The following CLUAP1 variants were observed in gnomAD, a reference collection of about 807,000 sequenced individuals.
The protein encoded by CLUAP1 is clusterin-associated protein 1.
In CLUAP1, 50 loss-of-function variants were observed where a neutral mutation model predicts 55.0. The observed-to-expected ratio is 0.91, with a 90% CI of 0.72 to 1.15. CLUAP1 has a LOEUF of 1.15. Among genes scored for constraint, CLUAP1 ranks in the 50% most tolerant of loss-of-function variants. The pLI is 0.00. For missense variants in CLUAP1, 530 were observed against 507.6 expected (o/e 1.04, Z -0.42); for synonymous variants, 195 against 175.4 (o/e 1.11, Z -0.88).
intron 9 of CLUAP1, among the ~76,000 whole-genome samples, chr16:3,528,754 T>C (rs981705119): frequency 1.3e-5 from 2 of 152,244 alleles, no homozygotes; most frequent in African/African-American, 4.8e-5. Flanking sequence ...CACTTTGAGT[T>C]AATTTTTGTA....
At chr16:3,501,462 T>G (rs1312249066) in intron 1 of CLUAP1, among the ~76,000 whole-genome samples, 1 of 152,266 alleles carries the variant, frequency 6.6e-6, no homozygotes, top group Admixed American at 6.5e-5. Context: ...GACTATTTTT[T>G]GAGTTGGGTT....
chr16:3,508,338 A>T lies in CLUAP1; in HGVS notation c.269A>T (p.Asp90Val), dbSNP rs773976814. Reference protein sequence around the residue: ...KLNTKKLYQADGYAVKELLKI... With the variant: ...KLNTKKLYQAVGYAVKELLKI... ...AACACTAAGAAGCTTTATCAAGCAG[A>T]TGGGTATGCGGTAAAAGAGCTGCTG... The change falls in exon 4 of 12, where the codon GAT becomes GTT. Residue 90 changes from aspartate (D) to valine (V), a missense_variant. Transcript: ENST00000576634. 5 of 1,608,966 alleles carry T rather than the reference A, an allele frequency of 3.1e-6. No homozygotes were observed. In the South Asian group the frequency reaches 5.6e-5, roughly 18 times the overall value.
chr16:3,519,943 C>T lies in CLUAP1; in HGVS notation c.620C>T (p.Ala207Val). 6.2e-7 allele frequency: 1 copy of T among 1,613,130 alleles called. No homozygotes were observed. The highest frequency in any genetic ancestry group is 1.1e-5 in the South Asian group (1 of 90,838). The change falls in exon 7 of 12, where the codon GCC (alanine) becomes GTC (valine). Residue 207 changes from alanine (A) to valine (V), a missense_variant. Physicochemically the swap from Ala to Val is moderately conservative, Grantham distance 64. Transcript: ENST00000576634. ...QKTKDLLNNV[A>V]SDEANLEAKI... ...ACTAAAGACCTGCTCAATAATGTGG[C>T]CTCTGATGAAGCTAATTTAGAAGCC...
chr16:3,500,366 ATTTTTTTT>A (rs35022426), upstream of CLUAP1, among the ~76,000 whole-genome samples: 4 of 115,546 alleles, frequency 3.5e-5, no homozygotes, highest in Non-Finnish European at 7.1e-5. Context: ...AGTATAGTGC[ATTTTTTTT>A]TTTTTTTTTT....
chr16:3,519,051 A>G (rs1025002261), intron 6 of CLUAP1, among the ~76,000 whole-genome samples: 6 of 152,224 alleles, frequency 3.9e-5, no homozygotes, highest in African/African-American at 1.4e-4. Flanking sequence ...CAGATTCCTC[A>G]TAAAGAGATT....
chr16:3,520,022 T>C lies in CLUAP1; in HGVS notation c.699T>C (p.Thr233=), dbSNP rs766659514. The change falls in exon 7 of 12, where the codon ACT becomes ACC. Residue 233 remains threonine (T), a synonymous_variant. Coordinates refer to ENST00000576634, the MANE Select transcript of CLUAP1 (RefSeq NM_015041.3). The part of the protein sequence containing the change: ...ELERNRKRLE[T]LQSVRPCFMD... Reference sequence around the variant, plus strand: ...AAAGAAATCGGAAGCGACTAGAGACTCTGCAGAGTGTCAGGTAGATATGAA... The same window carrying C: ...AAAGAAATCGGAAGCGACTAGAGACCCTGCAGAGTGTCAGGTAGATATGAA... The C allele has an allele frequency of 1.2e-6, 2 of 1,610,910 alleles. No individual in the cohort carries two copies. Among genetic ancestry groups the C allele is most frequent in the Non-Finnish European group, 1.7e-6 (2 of 1,179,146 alleles).
upstream of CLUAP1, chr16:3,496,513 T>C (rs1686275090): frequency 1.7e-6 from 1 of 592,326 alleles, no homozygotes; most frequent in South Asian, 1.4e-5. Flanking sequence ...GTGTGTGCGC[T>C]GCCCGTGACC....
intron 9 of CLUAP1, among the ~76,000 whole-genome samples, chr16:3,529,533 G>GTTATATATTATATA (rs2038027168): frequency 2.7e-5 from 1 of 36,658 alleles, no homozygotes; most frequent in South Asian, 6.4e-4. Flanking sequence ...ATTATTATAT[G>GTTATATATTATATA]TTATATATTA....
At chr16:3,520,058 A>G (rs1294470801) in intron 7 of CLUAP1, 22 bp downstream of exon 7, 1 of 1,590,250 alleles carries the variant, frequency 6.3e-7, no homozygotes, top group Non-Finnish European at 8.5e-7. Context: ...CACTTGGAGA[A>G]TGAGTAGAAA....
intron 8 of CLUAP1, among the ~76,000 whole-genome samples, chr16:3,524,596 C>CAAAAAAA (rs755040158): frequency 1.2e-3 from 41 of 34,142 alleles, no homozygotes; most frequent in Admixed American, 1.6e-3. Flanking sequence ...GACACCATCT[C>CAAAAAAA]AAAAAAAAAA....
intron 9 of CLUAP1, among the ~76,000 whole-genome samples, chr16:3,527,962 C>T (rs1347437394): frequency 6.6e-6 from 1 of 152,188 alleles, no homozygotes; most frequent in African/African-American, 2.4e-5. Context: ...GCATTCAGGG[C>T]CACTATCAGT....
At position 3,509,153 on chromosome 16, in the gene CLUAP1, A is replaced by G. The variant is rs529887064; in HGVS notation, c.399+685A>G. The stretch of plus-strand genomic sequence containing the variant: ...TACACACCTGTGGTCCCAGCTGCCC[A>G]GGAGGCTGAGGTGGGAAGATCTCTT... On this transcript the variant is annotated intron_variant, in intron 4 of 11. Transcript: ENST00000576634. Among the ~76,000 whole-genome samples the G allele has an allele frequency of 3.9e-5, 6 of 152,274 alleles. 1 individual carries two copies. The South Asian group carries it at 1.2e-3, about 32-fold the overall frequency.
intron 9 of CLUAP1, among the ~76,000 whole-genome samples, chr16:3,528,007 G>A (rs185146053): frequency 1.1e-4 from 16 of 152,240 alleles, no homozygotes; most frequent in East Asian, 5.8e-4. Flanking sequence ...CCCCAAGCCC[G>A]GCTGTCTTTT....
At chr16:3,512,345 T>C in intron 4 of CLUAP1, 38 bp from the exon 5 acceptor site, 1 of 1,493,734 alleles carries the variant, frequency 6.7e-7, no homozygotes, top group Non-Finnish European at 9.3e-7. Flanking sequence ...AAAAAACATC[T>C]GTTGCTGAGG....
chr16:3,517,416 C>A (rs539596078), intron 6 of CLUAP1, among the ~76,000 whole-genome samples: 1 of 152,222 alleles, frequency 6.6e-6, no homozygotes, highest in East Asian at 1.9e-4. Context: ...GAGCAATTCT[C>A]GTGCCTCAAC....
intron 1 of CLUAP1, among the ~76,000 whole-genome samples, chr16:3,503,718 A>G (rs971760223): frequency 6.6e-6 from 1 of 152,150 alleles, no homozygotes; most frequent in African/African-American, 2.4e-5. Flanking sequence ...AGCCTGCTGA[A>G]TAGCTGAGAC....
chr16:3,529,918 A>G (rs1274046678), intron 9 of CLUAP1, among the ~76,000 whole-genome samples: 2 of 117,508 alleles, frequency 1.7e-5, no homozygotes, highest in African/African-American at 6.5e-5. Context: ...ATAGTTATAT[A>G]TTATTATATA....
At chr16:3,512,617 G>T in intron 5 of CLUAP1, 139 bp downstream of exon 5, 1 of 546,574 alleles carries the variant, frequency 1.8e-6, no homozygotes, top group Non-Finnish European at 3.3e-6. Flanking sequence ...GGTGATAGAG[G>T]ATATTAGCTG....
intron 6 of CLUAP1, among the ~76,000 whole-genome samples, chr16:3,516,242 G>C (rs1389250881): frequency 6.6e-6 from 1 of 152,172 alleles, no homozygotes; most frequent in Non-Finnish European, 1.5e-5. Context: ...GTCATCACTG[G>C]TGATTTATTT....
Sources: allele counts gnomAD v4.1 joint callset (sites outside exome capture counted in the v4.1 genomes callset), GRCh38; gene constraint gnomAD v4.1.1; transcripts MANE v1.5; gene names NCBI Gene and HGNC (gene_info 2026-07-23, HGNC 2026-07-21).